Variants in EFCAB6 observed in about 807,000 individuals in gnomAD.
The protein encoded by EFCAB6 is EF-hand calcium binding domain 6.
In EFCAB6, 156 loss-of-function variants were observed where a neutral mutation model predicts 169.8. The ratio of observed to expected loss-of-function variants is 0.92; its 90% confidence interval spans 0.81 to 1.05. The LOEUF is 1.05. Ranked by LOEUF, EFCAB6 falls within the 50% of genes least tolerant of loss-of-function variation. The pLI, the probability that EFCAB6 is intolerant of heterozygous loss-of-function variation, is 0.00. For missense variants in EFCAB6, 1,800 were observed against 1,829.1 expected, an observed-to-expected ratio of 0.98 and a Z score of 0.29; for synonymous variants, 698 against 676.4, an observed-to-expected ratio of 1.03 and a Z score of -0.50.
chr22:43,550,549 G>A (rs1433276524), intron 27 of EFCAB6, among the ~76,000 whole-genome samples: 2 of 151,902 alleles, frequency 1.3e-5, no homozygotes, highest in Admixed American at 6.6e-5. Context: ...GCGGGCACCT[G>A]TAGTCCCAGT....
chr22:43,665,728 C>T (rs968609768), intron 17 of EFCAB6, among the ~76,000 whole-genome samples: 1 of 152,214 alleles, frequency 6.6e-6, no homozygotes, highest in Non-Finnish European at 1.5e-5. Flanking sequence ...TGGTTATCGG[C>T]CACCTGGTCC....
intron 26 of EFCAB6, among the ~76,000 whole-genome samples, chr22:43,575,674 A>G (rs999106585): frequency 6.6e-6 from 1 of 152,176 alleles, no homozygotes; most frequent in Non-Finnish European, 1.5e-5. Context: ...ACATCCATCT[A>G]AATGGCAAAG....
Position 43,594,275 on chromosome 22 carries a change from CAAAAAAAAA to C in EFCAB6, c.2877-4055_2877-4047del, listed in dbSNP as rs750560174. Among the ~76,000 whole-genome samples the C allele has an allele frequency of 1.8e-4, 15 of 81,490 alleles. 1 individual carries two copies. The highest frequency in any genetic ancestry group is 1.2e-3 in the Admixed American group (10 of 8,556). The allele number at this position is 81,490 out of a possible 152,430, so 53.5% of individuals were successfully genotyped here. A position where few individuals can be genotyped will look rare whatever the true frequency, so the allele number is the denominator to read the frequency against. Reference sequence around the variant, plus strand: ...GGGCAACAAGAGTGAAACTCTGTTTCAAAAAAAAAAAAAAAAAAAAAAAGAAAAGACATG... The same window carrying C: ...GGGCAACAAGAGTGAAACTCTGTTTCAAAAAAAAAAAAAAGAAAAGACATG... On this transcript the variant is annotated intron_variant, in intron 23 of 31. Transcript: ENST00000262726.
chr22:43,562,316 T>A (rs1205498902), intron 26 of EFCAB6, among the ~76,000 whole-genome samples: 1 of 152,148 alleles, frequency 6.6e-6, no homozygotes, highest in Non-Finnish European at 1.5e-5. Flanking sequence ...TCCCAATACA[T>A]GAAGTATACA....
At chr22:43,580,393 G>T (rs1275133083) in intron 25 of EFCAB6, 71 bp downstream of exon 25, 8 of 1,530,046 alleles carry the variant, frequency 5.2e-6, no homozygotes, top group Admixed American at 1.8e-5. Context: ...AGGGGTTTCA[G>T]GGTGGGGCTG....
chr22:43,772,086 G>A (rs902490109), intron 4 of EFCAB6, among the ~76,000 whole-genome samples: 1 of 152,060 alleles, frequency 6.6e-6, no homozygotes, highest in African/African-American at 2.4e-5. Context: ...CTCATTTTCA[G>A]ATAGCTCTCC....
rs547740425 is a variant in EFCAB6, at chr22:43,661,558, T to C, written c.1983+5546A>G. ...ATCACAGGGTTGCTGTGAGAAATGA[T>C]TGCAACTACCCAGAACAGGTCTAGA... On this transcript the variant is annotated intron_variant, in intron 17 of 31. Coordinates refer to ENST00000262726, the MANE Select transcript of EFCAB6 (RefSeq NM_022785.4). Among the ~76,000 whole-genome samples the C allele has an allele frequency of 3.9e-5, 6 of 152,302 alleles. No homozygotes were observed. In the South Asian group the frequency reaches 8.3e-4, roughly 21 times the overall value.
At chr22:43,721,242 G>A (rs1192377722) in intron 8 of EFCAB6, among the ~76,000 whole-genome samples, 1 of 152,098 alleles carries the variant, frequency 6.6e-6, no homozygotes, top group Non-Finnish European at 1.5e-5. Flanking sequence ...CAAATAAGTG[G>A]AAAAAATATT....
chr22:43,766,271 G>T (rs989265127), intron 4 of EFCAB6, among the ~76,000 whole-genome samples: 1 of 152,102 alleles, frequency 6.6e-6, no homozygotes, highest in Non-Finnish European at 1.5e-5. Context: ...GACCTCAAAT[G>T]ATATGCCTGC....
chr22:43,576,688 T>C (rs922524904), intron 25 of EFCAB6, among the ~76,000 whole-genome samples, 200 bp from the exon 26 acceptor site: 1 of 152,164 alleles, frequency 6.6e-6, no homozygotes, highest in African/African-American at 2.4e-5. Flanking sequence ...TGGGAGCTTA[T>C]GAGTTCTAGA....
At chr22:43,571,147 G>A (rs2049849463) in intron 26 of EFCAB6, among the ~76,000 whole-genome samples, 1 of 152,176 alleles carries the variant, frequency 6.6e-6, no homozygotes. Flanking sequence ...AGAATAATAG[G>A]AGTTTTGGAA....
chr22:43,736,883 G>A (rs539041614), intron 6 of EFCAB6, among the ~76,000 whole-genome samples: 27 of 151,752 alleles, frequency 1.8e-4, no homozygotes, highest in African/African-American at 5.3e-4. Flanking sequence ...CGCTGCAGCC[G>A]CCCACCCCCC....
intron 15 of EFCAB6, among the ~76,000 whole-genome samples, chr22:43,671,074 GCA>G (rs1283752607): frequency 1.3e-5 from 2 of 152,258 alleles, no homozygotes; most frequent in South Asian, 2.1e-4. Flanking sequence ...CAGCCCAGCT[GCA>G]CAGTCTCAGC....
chr22:43,620,678 C>G (rs972573861), intron 20 of EFCAB6, among the ~76,000 whole-genome samples: 1 of 151,982 alleles, frequency 6.6e-6, no homozygotes. Flanking sequence ...ATGGTAAATA[C>G]CTAGGAAATT....
intron 29 of EFCAB6, chr22:43,535,633 C>A (rs918537941): frequency 1.3e-5 from 2 of 152,230 alleles, no homozygotes; most frequent in African/African-American, 4.8e-5. Flanking sequence ...AGTGACAACT[C>A]ATAATTGAAG....
chr22:43,553,973 C>T, intron 27 of EFCAB6: 1 of 153,130 alleles, frequency 6.5e-6, no homozygotes, highest in Non-Finnish European at 1.5e-5. Flanking sequence ...CTTAGAGCAG[C>T]AGCCCGGAGC....
At chr22:43,605,975 G>C (rs960122751) in intron 22 of EFCAB6, among the ~76,000 whole-genome samples, 18 of 152,140 alleles carry the variant, frequency 1.2e-4, no homozygotes, top group African/African-American at 4.3e-4. Flanking sequence ...CTGCACGATT[G>C]ACCTAAGGGA....
chr22:43,540,517 T>C (rs2047647643), intron 27 of EFCAB6, 160 bp from the exon 28 acceptor site: 2 of 1,532,352 alleles, frequency 1.3e-6, no homozygotes, highest in African/African-American at 2.7e-5. Context: ...CATTTGGCCT[T>C]CGCTCGGCGG....
chr22:43,551,181 C>A (rs2048357394), intron 27 of EFCAB6, among the ~76,000 whole-genome samples: 1 of 152,200 alleles, frequency 6.6e-6, no homozygotes, highest in Admixed American at 6.5e-5. Flanking sequence ...GTTAGGAGTA[C>A]AAATGACCCC....
Sources: allele counts gnomAD v4.1 joint callset (sites outside exome capture counted in the v4.1 genomes callset), GRCh38; gene constraint gnomAD v4.1.1; transcripts MANE v1.5; gene names NCBI Gene and HGNC (gene_info 2026-07-23, HGNC 2026-07-21).